The following FAT3 variants were observed in gnomAD, a reference collection of about 807,000 sequenced individuals.
The protein encoded by FAT3 is FAT atypical cadherin 3.
Under a neutral mutation model 310.2 loss-of-function variants are expected in FAT3, and 95 were observed. That is an observed-to-expected ratio of 0.31 (90% CI 0.26 to 0.36). The LOEUF (loss-of-function observed/expected upper bound fraction) is 0.36, where lower values mean the gene tolerates loss of function less well. Ranked by LOEUF, FAT3 falls within the 10% of genes least tolerant of loss-of-function variation. FAT3 has a pLI of 1.00. For missense variants in FAT3, 5,408 were observed against 5,715.6 expected, an observed-to-expected ratio of 0.95 and a Z score of 1.74; for synonymous variants, 2,314 against 2,192.9, an observed-to-expected ratio of 1.06 and a Z score of -1.54.
chr11:92,332,741 A>G (rs1369173120), intron 1 of FAT3, among the ~76,000 whole-genome samples: 1 of 152,202 alleles, frequency 6.6e-6, no homozygotes, highest in Non-Finnish European at 1.5e-5. Flanking sequence ...TAAGGCATAC[A>G]TGATCACAAT....
intron 10 of FAT3, among the ~76,000 whole-genome samples, chr11:92,802,130 T>C (rs1262159337): frequency 6.6e-6 from 1 of 152,206 alleles, no homozygotes; most frequent in Non-Finnish European, 1.5e-5. Context: ...GCTGTAAATG[T>C]GTTAACCATA....
At chr11:92,561,371 A>G (rs1955220492) in intron 3 of FAT3, among the ~76,000 whole-genome samples, 1 of 152,092 alleles carries the variant, frequency 6.6e-6, no homozygotes, top group African/African-American at 2.4e-5. Flanking sequence ...GGAAAGTGTG[A>G]CATTTATACA....
At chr11:92,746,313 C>G (rs1034301164) in intron 4 of FAT3, among the ~76,000 whole-genome samples, 3 of 152,186 alleles carry the variant, frequency 2.0e-5, no homozygotes, top group Non-Finnish European at 4.4e-5. Context: ...CCATGTCTTA[C>G]ATGGCAGCAG....
At chr11:92,244,011 G>A (rs1411393273) in intron 1 of FAT3, among the ~76,000 whole-genome samples, 3 of 151,740 alleles carry the variant, frequency 2.0e-5, no homozygotes, top group East Asian at 3.9e-4. Flanking sequence ...TTATATGCAC[G>A]CCTGATTAGA....
intron 19 of FAT3, among the ~76,000 whole-genome samples, chr11:92,845,321 T>G (rs1489406692): frequency 6.6e-6 from 1 of 152,212 alleles, no homozygotes; most frequent in Non-Finnish European, 1.5e-5. Context: ...ATCAGATCTG[T>G]CTTTCACAGA....
chr11:92,799,778 G>A lies in FAT3; in HGVS notation c.6765G>A (p.Lys2255=), dbSNP rs926276778. The A allele has an allele frequency of 8.1e-6, 13 of 1,612,634 alleles. No individual in the cohort carries two copies. In the African/African-American group the frequency reaches 1.3e-4, roughly 17 times the overall value. Residue 2255 remains lysine (K), a synonymous_variant, in exon 10 of 28, where the codon AAG becomes AAA. Coordinates refer to ENST00000525166, the MANE Select transcript of FAT3 (RefSeq NM_001367949.2). The part of the protein sequence containing the change: ...PLDYEVTSAY[K]LTIRASDALT... ...ATTATGAAGTTACATCTGCTTACAAGCTGACAATAAGAGCCAGCGACGCCC... is the reference window on the plus strand; with the variant it reads ...ATTATGAAGTTACATCTGCTTACAAACTGACAATAAGAGCCAGCGACGCCC...
chr11:92,889,537 T>C (rs1949868893), intron 26 of FAT3, among the ~76,000 whole-genome samples: 1 of 152,206 alleles, frequency 6.6e-6, no homozygotes, highest in African/African-American at 2.4e-5. Context: ...ATTCAACATG[T>C]GTTCATTGAG....
chr11:92,498,005 G>A (rs1303801955), intron 2 of FAT3: 1 of 151,982 alleles, frequency 6.6e-6, no homozygotes, highest in Non-Finnish European at 1.5e-5. Flanking sequence ...GGGGTAGAGT[G>A]GTGTGGCAGG....
rs142193468 is a variant in FAT3, at chr11:92,802,000, G to T, written c.8896+91G>T. ...GAGAAGAGTAAGAGAGAAGGAAGAT[G>T]GGATAAGGAGTCCAGTGTAATGAAG... On this transcript the variant is annotated intron_variant, in intron 10 of 27. Coordinates refer to ENST00000525166, the MANE Select transcript of FAT3 (RefSeq NM_001367949.2). The T allele has an allele frequency of 8.7e-5, 106 of 1,220,104 alleles. 1 individual carries two copies. In the African/African-American group the frequency reaches 1.5e-3, roughly 17 times the overall value. The allele number at this position is 1,220,104 out of a possible 1,614,324, so 75.6% of individuals were successfully genotyped here. A position where few individuals can be genotyped will look rare whatever the true frequency, so the allele number is the denominator to read the frequency against.
chr11:92,234,419 A>T (rs1356538847), intron 1 of FAT3, among the ~76,000 whole-genome samples: 1 of 152,216 alleles, frequency 6.6e-6, no homozygotes, highest in Non-Finnish European at 1.5e-5. Context: ...CTAGAATGAG[A>T]AAAAACAGAA....
At chr11:92,591,571 A>G (rs112694504) in intron 3 of FAT3, among the ~76,000 whole-genome samples, 16 of 152,264 alleles carry the variant, frequency 1.1e-4, no homozygotes, top group African/African-American at 3.1e-4. Flanking sequence ...TCCTTATTTT[A>G]CCTGTAATGT....
chr11:92,342,791 G>A (rs555332220), intron 1 of FAT3, among the ~76,000 whole-genome samples: 18 of 152,088 alleles, frequency 1.2e-4, no homozygotes, highest in South Asian at 4.2e-4. Flanking sequence ...TTCTGTCAGC[G>A]AGGCCTACAA....
intron 3 of FAT3, among the ~76,000 whole-genome samples, chr11:92,602,977 A>G (rs150759955): frequency 6.6e-6 from 1 of 152,330 alleles, no homozygotes; most frequent in East Asian, 1.9e-4. Flanking sequence ...ACAAAGATTT[A>G]ATAGCCTCAT....
intron 24 of FAT3, among the ~76,000 whole-genome samples, chr11:92,886,473 G>A (rs1297477662): frequency 6.6e-6 from 1 of 152,080 alleles, no homozygotes; most frequent in Non-Finnish European, 1.5e-5. Context: ...GCAGAACATG[G>A]TCACTCCCAA....
chr11:92,229,489 C>CTTTTTTTTTTTTTTTTTTT (rs1565339181), intron 1 of FAT3, among the ~76,000 whole-genome samples: 1 of 48,632 alleles, frequency 2.1e-5, no homozygotes, highest in African/African-American at 8.1e-5. Flanking sequence ...TTTGTTTTTT[C>CTTTTTTTTTTTTTTTTTTT]GTGTTTTTTT....
intron 26 of FAT3, 117 bp from the exon 27 acceptor site, chr11:92,889,739 G>C (rs1949874290): frequency 8.9e-6 from 6 of 672,910 alleles, no homozygotes; most frequent in Admixed American, 4.3e-5. Context: ...GCTAAACTTA[G>C]TCGTAGCCCA....
At position 92,354,734 on chromosome 11, in the gene FAT3, A is replaced by T. The variant is rs377605383; in HGVS notation, c.2622A>T (p.Thr874=). The change falls in exon 2 of 28, where the codon ACA becomes ACT. Residue 874 remains threonine, a synonymous_variant. Coordinates refer to ENST00000525166, the MANE Select transcript of FAT3 (RefSeq NM_001367949.2). ...GEVTYSVLTD[T]QQFAINSSTG... is the part of the protein sequence containing the mutation. ...TGACTTACTCAGTCTTGACAGATAC[A>T]CAGCAGTTTGCCATCAATAGCTCAA... 1 of 1,613,928 alleles carries T rather than the reference A, an allele frequency of 6.2e-7. No homozygotes were observed. Among genetic ancestry groups the T allele is most frequent in the Non-Finnish European group, 8.5e-7 (1 of 1,179,870 alleles).
At chr11:92,630,174 A>G (rs551145332) in intron 3 of FAT3, among the ~76,000 whole-genome samples, 1 of 152,268 alleles carries the variant, frequency 6.6e-6, no homozygotes, top group East Asian at 1.9e-4. Flanking sequence ...TGTTCACTGT[A>G]GAACACTAGA....
intron 10 of FAT3, among the ~76,000 whole-genome samples, chr11:92,804,110 C>T (rs1014090411): frequency 6.6e-6 from 1 of 152,144 alleles, no homozygotes; most frequent in African/African-American, 2.4e-5. Context: ...GTATACTTTC[C>T]TTACTTGTTT....
Sources: gnomAD v4.1 joint callset for allele counts (sites outside exome capture counted in the v4.1 genomes callset) on GRCh38, gnomAD v4.1.1 for gene constraint, MANE v1.5 for transcripts, NCBI Gene and HGNC (gene_info 2026-07-23, HGNC 2026-07-21) for gene names.